The following ZBTB48 variants were observed in gnomAD, a reference collection of about 807,000 sequenced individuals.
The protein encoded by ZBTB48 is zinc finger and BTB domain-containing protein 48.
ZBTB48 carries 35 observed loss-of-function variants against 64.5 expected under a neutral mutation model. The ratio of observed to expected loss-of-function variants is 0.54; its 90% confidence interval spans 0.41 to 0.72. The LOEUF (loss-of-function observed/expected upper bound fraction) is 0.72, where lower values mean the gene tolerates loss of function less well. Among genes scored for constraint, ZBTB48 ranks in the 30% least tolerant of loss-of-function variants. ZBTB48 has a pLI of 0.00. For missense variants in ZBTB48, 828 were observed against 895.3 expected, an observed-to-expected ratio of 0.92 and a Z score of 0.96; for synonymous variants, 442 against 356.7, an observed-to-expected ratio of 1.24 and a Z score of -2.70.
rs1640656773 is a variant in ZBTB48, at chr1:6,586,101, A to G, written c.1044+71A>G. The G allele has an allele frequency of 3.4e-6, 5 of 1,489,320 alleles. No homozygotes were observed. In the South Asian group the frequency reaches 5.7e-5, roughly 17 times the overall value. 92.3% of individuals were successfully genotyped at this position (1,489,320 alleles called of 1,614,324 possible). On this transcript the variant is annotated intron_variant, in intron 4 of 10. Coordinates refer to ENST00000377674, the MANE Select transcript of ZBTB48 (RefSeq NM_005341.4). ...CTCTCTGTCTTCGTGCCATCCGGGA[A>G]GGGCCCCAGGAGACTGTCTGAGAGG...
At position 6,580,945 on chromosome 1, in the gene ZBTB48, G is replaced by C. The variant is rs1187853299; in HGVS notation, c.336G>C (p.Gln112His). ...TGCCAGAGGCCGTAGAGCTGTGCCA[G>C]AGCTTCAAGCCCAAAACTTCAGTGG... ...LRVPEAVELC[Q>H]SFKPKTSVGQ... The change falls in exon 2 of 11, where the codon CAG becomes CAC. Residue 112 changes from glutamine to histidine, a missense_variant. Transcript: ENST00000377674. This position sits in a 1 kb window ranked among gnomAD's most constrained non-coding sequence, Gnocchi z 5.2. 1 of 1,613,984 alleles carries C rather than the reference G, an allele frequency of 6.2e-7. No individual in the cohort carries two copies. Among genetic ancestry groups the C allele is most frequent in the East Asian group, 2.2e-5 (1 of 44,880 alleles).
Position 6,589,064 on chromosome 1 carries a change from A to C in ZBTB48, c.1919A>C (p.Glu640Ala). ...GCAGAGCTGGAGGTGGGCTCGGCGGAGGTCATTGTGGAGTCCCTGGCCCAG... is the reference window on the plus strand; with the variant it reads ...GCAGAGCTGGAGGTGGGCTCGGCGGCGGTCATTGTGGAGTCCCTGGCCCAG... ...PPAELEVGSA[E>A]VIVESLAQGG... Residue 640 changes from glutamate (E) to alanine (A), a missense_variant, in exon 11 of 11, where the codon GAG becomes GCG. By Grantham distance (107) the Glu-to-Ala change is moderately radical (BLOSUM62 -1). Coordinates refer to ENST00000377674, the MANE Select transcript of ZBTB48 (RefSeq NM_005341.4). The C allele has an allele frequency of 3.1e-6, 5 of 1,606,268 alleles. No individual in the cohort carries two copies. Among genetic ancestry groups the C allele is most frequent in the Non-Finnish European group, 4.2e-6 (5 of 1,176,960 alleles).
rs146174847 is a variant in ZBTB48 at position 6,584,968 on chromosome 1, G to C, written c.933-951G>C. On this transcript the variant is annotated intron_variant, in intron 3 of 10. Transcript: ENST00000377674. The surrounding 1 kb of genome is among the most constrained non-coding windows in gnomAD (Gnocchi z 4.5). ...GCATTTAAGGGAACTAAACAAAGGT[G>C]CTTGTGCAGCCGACCTGCTTGCCAG... 2.5e-3 allele frequency among the ~76,000 whole-genome samples: 382 copies of C among 152,270 alleles called. 1 individual carries two copies. The highest frequency in any genetic ancestry group is 8.1e-3 in the African/African-American group (337 of 41,536).
At chr1:6,586,159 T>C in intron 4 of ZBTB48, 129 bp downstream of exon 4, 5 of 906,952 alleles carry the variant, frequency 5.5e-6, no homozygotes, top group Non-Finnish European at 8.8e-6. Context: ...TGTGGGGTCC[T>C]TGGATGTCAT....
Position 6,587,275 on chromosome 1 carries a change from C to T in ZBTB48, c.1208C>T (p.Ala403Val), listed in dbSNP as rs747549106. The T allele has an allele frequency of 2.5e-6, 4 of 1,614,054 alleles. No homozygotes were observed. In the East Asian group the frequency reaches 6.7e-5, roughly 27 times the overall value. ...LQSHMIKLHG[A>V]PKPHACPTCA... ...AGCCACATGATCAAACTTCATGGAG[C>T]CCCCAAGCCCCATGCAGTAAGTGAC... is the stretch of plus-strand genomic sequence containing the variant. The change falls in exon 6 of 11, where the codon GCC becomes GTC. Residue 403 changes from alanine (A) to valine (V), a missense_variant. Ala to Val is a moderately conservative substitution (Grantham distance 64). Transcript: ENST00000377674.
Position 6,588,364 on chromosome 1 carries a change from C to A in ZBTB48, c.1603C>A (p.Pro535Thr). Reference protein sequence around the residue: ...FCEQRFTEKGPLLRHVASRHQ... With the variant: ...FCEQRFTEKGTLLRHVASRHQ... ...TGAACAGCGCTTCACTGAGAAGGGG[C>A]CCCTCCTGAGGCACGTGGCCAGCCG... The change falls in exon 9 of 11, where the codon CCC becomes ACC. Residue 535 changes from proline to threonine, a missense_variant. Physicochemically the swap from Pro to Thr is conservative, Grantham distance 38. Coordinates refer to ENST00000377674, the MANE Select transcript of ZBTB48 (RefSeq NM_005341.4). 6.2e-7 allele frequency: 1 copy of A among 1,602,716 alleles called. No homozygotes were observed. The highest frequency in any genetic ancestry group is 1.1e-5 in the South Asian group (1 of 90,710).
At chr1:6,587,844 C>G (rs1640732167) in intron 7 of ZBTB48, among the ~76,000 whole-genome samples, 1 of 152,190 alleles carries the variant, frequency 6.6e-6, no homozygotes. Flanking sequence ...GTTTCAGGCT[C>G]AGACAAGCCT....
rs749611045 is a variant in ZBTB48, at chr1:6,582,270, C to T, written c.903C>T (p.Leu301=). 9.3e-6 allele frequency: 15 copies of T among 1,612,620 alleles called. No individual in the cohort carries two copies. The East Asian group carries it at 2.9e-4, about 31-fold the overall frequency. Residue 301 remains leucine (L), a synonymous_variant, in exon 3 of 11, where the codon CTC becomes CTT. Coordinates refer to ENST00000377674, the MANE Select transcript of ZBTB48 (RefSeq NM_005341.4). ...VECPTCHKKF[L]SKYYLKVHNR... ...GCCCCACATGTCATAAAAAGTTCCT[C>T]AGCAAATATTATCTAAAAGTCCACA...
chr1:6,588,884 C>T, intron 10 of ZBTB48, 32 bp from the exon 11 acceptor site: 1 of 1,613,906 alleles, frequency 6.2e-7, no homozygotes, highest in South Asian at 1.1e-5. Flanking sequence ...CCCTAGGATC[C>T]CCCAAAGTTC....
At chr1:6,588,628 G>C in intron 9 of ZBTB48, 128 bp from the exon 10 acceptor site, 1 of 1,463,738 alleles carries the variant, frequency 6.8e-7, no homozygotes, top group Non-Finnish European at 9.2e-7. Flanking sequence ...TGGAGAGCCT[G>C]GCAGGGCCTG....
intron 2 of ZBTB48, 56 bp from the exon 3 acceptor site, chr1:6,582,002 A>G: frequency 1.2e-6 from 2 of 1,600,800 alleles, no homozygotes; most frequent in Non-Finnish European, 1.7e-6. Context: ...GGTCCCTACA[A>G]CTCCTGCTGA....
intron 4 of ZBTB48, chr1:6,586,389 C>T (rs1228570940): frequency 2.4e-5 from 12 of 504,818 alleles, no homozygotes; most frequent in South Asian, 1.7e-4. Context: ...TGTCAGGGCC[C>T]GCCGAAACCC....
chr1:6,589,113 C>G lies in ZBTB48; in HGVS notation c.1968C>G (p.Pro656=), dbSNP rs1804904. 6.2e-7 allele frequency: 1 copy of G among 1,607,230 alleles called. No homozygotes were observed. Among genetic ancestry groups the G allele is most frequent in the South Asian group, 1.1e-5 (1 of 90,364 alleles). ...AGGGCGGCCTGGCCTCCCAGCTCCC[C>G]GGCCAGAGACTGTGTGCAGAGGAGA... ...LAQGGLASQL[P]GQRLCAEESF... Residue 656 remains proline (P), a synonymous_variant, in exon 11 of 11, where the codon CCC becomes CCG. Transcript: ENST00000377674.
rs1640682898 is a variant in ZBTB48, at chr1:6,586,745, G to T, written c.1095G>T (p.Leu365=). ...AGACATTCCGCCGAAGGATGGAGCT[G>T]CGGGTGCACATGGTGTCTCACACAG... ...CQETFRRRME[L]RVHMVSHTGE... is the part of the protein sequence containing the mutation. Residue 365 remains leucine (L), a synonymous_variant, in exon 5 of 11, where the codon CTG becomes CTT. Transcript: ENST00000377674. 1 of 1,594,454 alleles carries T rather than the reference G, an allele frequency of 6.3e-7. No individual in the cohort carries two copies. The highest frequency in any genetic ancestry group is 8.6e-7 in the Non-Finnish European group (1 of 1,168,466).
Position 6,580,489 on chromosome 1 carries a change from A to T in ZBTB48, c.-69-52A>T, listed in dbSNP as rs1347513557. 4 of 1,049,976 alleles carry T rather than the reference A, an allele frequency of 3.8e-6. No homozygotes were observed. Among genetic ancestry groups the T allele is most frequent in the Non-Finnish European group, 4.1e-6 (3 of 731,130 alleles). The allele number at this position is 1,049,976 out of a possible 1,614,324, so 65.0% of individuals were successfully genotyped here. ...CTGACCCAAGCCCTCGTGCTGATAA[A>T]TATGATTATTTGAGTAGAGGCCAAC... On this transcript the variant is annotated intron_variant, in intron 1 of 10. Coordinates refer to ENST00000377674, the MANE Select transcript of ZBTB48 (RefSeq NM_005341.4). The surrounding 1 kb of genome is among the most constrained non-coding windows in gnomAD (Gnocchi z 5.2).
intron 4 of ZBTB48, 196 bp downstream of exon 4, chr1:6,586,226 C>A: frequency 1.6e-6 from 1 of 619,990 alleles, no homozygotes; most frequent in Non-Finnish European, 2.8e-6. Context: ...AAGGGACAGG[C>A]ATAGGAGGGA....
At chr1:6,585,466 G>A (rs546115476) in intron 3 of ZBTB48, 15 of 184,732 alleles carry the variant, frequency 8.1e-5, no homozygotes, top group Non-Finnish European at 1.6e-4. Flanking sequence ...TGAAACCTGT[G>A]GGGGAGGCAG....
intron 2 of ZBTB48, among the ~76,000 whole-genome samples, chr1:6,581,698 A>G (rs11811658): frequency 0.036 from 5,446 of 152,076 alleles, 303 homozygotes; most frequent in African/African-American, 0.12. Context: ...CCTTAAGACA[A>G]TCTCTGTTAA....
chr1:6,587,325 G>A (rs958845889), intron 6 of ZBTB48, 34 bp downstream of exon 6: 26 of 1,613,494 alleles, frequency 1.6e-5, no homozygotes, highest in Non-Finnish European at 2.1e-5. Context: ...ATGCTTTGAT[G>A]CTGGCATGAG....
Sources: gnomAD v4.1 joint callset for allele counts (sites outside exome capture counted in the v4.1 genomes callset) on GRCh38, gnomAD v4.1.1 for gene constraint, Gnocchi (gnomAD v3.1) non-coding constraint, MANE v1.5 for transcripts, NCBI Gene and HGNC (gene_info 2026-07-23, HGNC 2026-07-21) for gene names.